Variants in TP53I11 observed in about 807,000 individuals in gnomAD.
TP53I11 encodes the protein tumor protein p53-inducible protein 11.
TP53I11 carries 9 observed loss-of-function variants against 23.3 expected under a neutral mutation model. That is an observed-to-expected ratio of 0.39 (90% CI 0.23 to 0.67). The LOEUF (loss-of-function observed/expected upper bound fraction) is 0.67. TP53I11 is among the 30% of genes least tolerant of loss of function. The pLI, the probability that TP53I11 is intolerant of heterozygous loss-of-function variation, is 0.48. For synonymous variants in TP53I11, 100 were observed against 106.1 expected (o/e 0.94, Z 0.35); for missense variants, 170 against 255.2 (o/e 0.67, Z 2.27).
rs374184233 is a variant in TP53I11, at chr11:44,938,264, G to C, written c.72C>G (p.Thr24=). 288 of 1,612,996 alleles carry C rather than the reference G, an allele frequency of 1.8e-4. No homozygotes were observed. The highest frequency in any genetic ancestry group is 2.4e-4 in the Non-Finnish European group (283 of 1,179,686). ...CCCCGCCCACGCCGAGGATCTTGCG[G>C]GTCTTCAGGCGGCTCACGAGGTCCG... ...SQTDLVSRLK[T]RKILGVGGED... The change falls in exon 2 of 7, where the codon ACC becomes ACG. Residue 24 remains threonine, a synonymous_variant. Transcript: ENST00000525680.
chr11:44,945,997 C>A (rs567791698), intron 1 of TP53I11, among the ~76,000 whole-genome samples: 23 of 152,314 alleles, frequency 1.5e-4, no homozygotes, highest in African/African-American at 5.5e-4. Context: ...ACTGGAGAGG[C>A]TTAGGGACTA....
chr11:44,945,541 C>T (rs1862303597), intron 1 of TP53I11, among the ~76,000 whole-genome samples: 1 of 152,010 alleles, frequency 6.6e-6, no homozygotes, highest in Non-Finnish European at 1.5e-5. Context: ...CCCATCTTCC[C>T]CATGGCAACT....
intron 1 of TP53I11, 64 bp downstream of exon 1, chr11:44,950,613 A>AGGCGGCG (rs1185405860): frequency 6.6e-6 from 1 of 151,806 alleles, no homozygotes; most frequent in African/African-American, 2.4e-5. Flanking sequence ...TGCGCTGCGC[A>AGGCGGCG]GGCGGCGGGC....
rs548555447 is a variant in TP53I11 at position 44,947,888 on chromosome 11, A to G, written c.-32+2789T>C. Among the ~76,000 whole-genome samples the G allele has an allele frequency of 5.3e-5, 8 of 152,308 alleles. No individual in the cohort carries two copies. In the East Asian group the frequency reaches 1.4e-3, roughly 26 times the overall value. ...AGCGCCTGTTTTGTAGTTAATGTTC[A>G]ATAATAATGCTGCTCATTATTTTTA... On this transcript the variant is annotated intron_variant, in intron 1 of 6. Transcript: ENST00000525680.
intron 1 of TP53I11, among the ~76,000 whole-genome samples, chr11:44,945,485 G>A (rs1862295737): frequency 6.6e-6 from 1 of 152,028 alleles, no homozygotes; most frequent in Non-Finnish European, 1.5e-5. Flanking sequence ...AATGTGTGCG[G>A]TGGTGGGGGT....
chr11:44,938,358 G>T lies in TP53I11; in HGVS notation c.-23C>A. On this transcript the variant is annotated 5_prime_UTR_variant, in exon 2 of 7. Transcript: ENST00000525680. ...CATCTTCTCCTCCAGCCCGGCCTCT[G>T]CAGAAGGGCTGAGGGGAGACACCGG... 6.3e-7 allele frequency: 1 copy of T among 1,575,890 alleles called. No homozygotes were observed.
chr11:44,938,938 T>C (rs997423507), intron 1 of TP53I11, among the ~76,000 whole-genome samples: 1 of 152,098 alleles, frequency 6.6e-6, no homozygotes, highest in Non-Finnish European at 1.5e-5. Context: ...CAGAGAAGGC[T>C]GCCAGGGGTG....
At chr11:44,938,117 G>A in intron 2 of TP53I11, 90 bp downstream of exon 2, 1 of 1,454,998 alleles carries the variant, frequency 6.9e-7, no homozygotes. Flanking sequence ...AACTCCTGCG[G>A]CTACCTGGGC....
intron 1 of TP53I11, among the ~76,000 whole-genome samples, chr11:44,945,940 T>G (rs919972385): frequency 1.3e-5 from 2 of 152,166 alleles, no homozygotes; most frequent in Admixed American, 1.3e-4. Flanking sequence ...TAGCCCAGAA[T>G]CTATTGCCTG....
intron 1 of TP53I11, among the ~76,000 whole-genome samples, chr11:44,948,981 G>C (rs1862653866): frequency 6.6e-6 from 1 of 152,296 alleles, no homozygotes; most frequent in Non-Finnish European, 1.5e-5. Context: ...AGGGGCTTTC[G>C]GCCTTAGCCC....
chr11:44,936,585 C>T lies in TP53I11; in HGVS notation c.334+218G>A, dbSNP rs916175591. The T allele has an allele frequency of 1.1e-5, 14 of 1,309,414 alleles. 1 individual carries two copies. The highest frequency in any genetic ancestry group is 2.9e-4 in the Middle Eastern group (1 of 3,508). 81.1% of individuals were successfully genotyped at this position (1,309,414 alleles called of 1,614,324 possible). ...TATGAGCGCTCCTTGCAGATGGTGG[C>T]GACTGCAAGCTCCAACCCACTGGGT... On this transcript the variant is annotated intron_variant, in intron 5 of 6. Coordinates refer to ENST00000525680, the MANE Select transcript of TP53I11 (RefSeq NM_006034.5). The surrounding 1 kb of genome is among the most constrained non-coding windows in gnomAD (Gnocchi z 4.4).
intron 1 of TP53I11, among the ~76,000 whole-genome samples, chr11:44,942,203 A>C (rs1472176601): frequency 4.4e-5 from 6 of 137,662 alleles, no homozygotes; most frequent in Non-Finnish European, 9.4e-5. Context: ...ACACATACCC[A>C]CCACGCACAC....
chr11:44,934,778 T>C lies in TP53I11; in HGVS notation c.*106A>G. 6.7e-7 allele frequency: 1 copy of C among 1,497,680 alleles called. No homozygotes were observed. Among genetic ancestry groups the C allele is most frequent in the Non-Finnish European group, 9.0e-7 (1 of 1,106,496 alleles). 92.8% of individuals were successfully genotyped at this position (1,497,680 alleles called of 1,614,324 possible). A position where few individuals can be genotyped will look rare whatever the true frequency, so the allele number is the denominator to read the frequency against. ...ACCCCCTGCCTCCCTGGGGCAGGAC[T>C]GGGGCAGGGCAGGGGACCCTCCTGC... On this transcript the variant is annotated 3_prime_UTR_variant, in exon 7 of 7. Coordinates refer to ENST00000525680, the MANE Select transcript of TP53I11 (RefSeq NM_006034.5).
rs758273281 is a variant in TP53I11 at position 44,935,588 on chromosome 11, C to T, written c.409G>A (p.Ala137Thr). The T allele has an allele frequency of 6.2e-7, 1 of 1,613,542 alleles. No homozygotes were observed. Among genetic ancestry groups the T allele is most frequent in the Non-Finnish European group, 8.5e-7 (1 of 1,179,790 alleles). ...VIIRWTLLTEACYFGVQFLVV... is the reference protein window; with the variant it reads ...VIIRWTLLTETCYFGVQFLVV... ...AAGAACTGGACCCCGAAATAGCAAGCTTCGGTGAGCAGGGTCCATCGAATG... is the reference window on the plus strand; with the variant it reads ...AAGAACTGGACCCCGAAATAGCAAGTTTCGGTGAGCAGGGTCCATCGAATG... The change falls in exon 6 of 7, where the codon GCT (alanine) becomes ACT (threonine). Residue 137 changes from alanine (A) to threonine (T), a missense_variant. Physicochemically the swap from Ala to Thr is moderately conservative, Grantham distance 58 (BLOSUM62 0). Transcript: ENST00000525680.
chr11:44,944,975 G>C (rs145031163), intron 1 of TP53I11, among the ~76,000 whole-genome samples: 3 of 152,338 alleles, frequency 2.0e-5, no homozygotes, highest in South Asian at 4.1e-4. Context: ...ATGGACTGCC[G>C]AGCTGTCCCC....
chr11:44,936,501 G>C lies in TP53I11; in HGVS notation c.334+302C>G. 8.1e-7 allele frequency: 1 copy of C among 1,242,166 alleles called. No homozygotes were observed. Among genetic ancestry groups the C allele is most frequent in the Non-Finnish European group, 1.0e-6 (1 of 993,746 alleles). 76.9% of individuals were successfully genotyped at this position (1,242,166 alleles called of 1,614,324 possible). On this transcript the variant is annotated intron_variant, in intron 5 of 6. Transcript: ENST00000525680. The surrounding 1 kb of genome is among the most constrained non-coding windows in gnomAD (Gnocchi z 4.4). ...CTCCTCTAGGCTGTGAATTCCTAGA[G>C]GCTGGGCCTGGGCTTCCTCCATCTC...
rs575964475 is a variant in TP53I11, at chr11:44,937,584, C to T, written c.159G>A (p.Lys53=). Residue 53 remains lysine (K), a synonymous_variant, in exon 3 of 7, where the codon AAG becomes AAA. Coordinates refer to ENST00000525680, the MANE Select transcript of TP53I11 (RefSeq NM_006034.5). The part of the protein sequence containing the change: ...KISQVLGNEI[K]FTIREPLGLR... The stretch of plus-strand genomic sequence containing the variant: ...GCCCCAAAGGCTCCCGAATGGTAAA[C>T]TTGATTTCATTGCCTAAGACCTGGC... The T allele has an allele frequency of 1.2e-6, 2 of 1,613,832 alleles. No individual in the cohort carries two copies. Among genetic ancestry groups the T allele is most frequent in the South Asian group, 1.1e-5 (1 of 91,034 alleles).
At chr11:44,944,847 G>A (rs2135496028) in intron 1 of TP53I11, among the ~76,000 whole-genome samples, 1 of 152,246 alleles carries the variant, frequency 6.6e-6, no homozygotes. Flanking sequence ...TAAGGTGGCT[G>A]CCCAGGCTCT....
intron 4 of TP53I11, 118 bp downstream of exon 4, chr11:44,937,186 C>G: frequency 1.5e-6 from 2 of 1,319,562 alleles, no homozygotes; most frequent in East Asian, 2.5e-5. Context: ...AGCCCCAGAG[C>G]CTGACAGATG....
Sources: allele counts gnomAD v4.1 joint callset (sites outside exome capture counted in the v4.1 genomes callset), GRCh38; gene constraint gnomAD v4.1.1; non-coding constraint Gnocchi (gnomAD v3.1); transcripts MANE v1.5; gene names NCBI Gene and HGNC (gene_info 2026-07-23, HGNC 2026-07-21).